Variants in DGLUCY observed in about 807,000 individuals in gnomAD.
DGLUCY encodes the protein D-glutamate cyclase.
Under a neutral mutation model 58.5 loss-of-function variants are expected in DGLUCY, and 58 were observed. The observed-to-expected ratio is 0.99, with a 90% confidence interval of 0.80 to 1.23. The LOEUF is 1.23. Among genes scored for constraint, DGLUCY ranks in the 50% most tolerant of loss-of-function variants. The pLI, the probability that DGLUCY is intolerant of heterozygous loss-of-function variation, is 0.00. For missense variants in DGLUCY, 779 were observed against 784.7 expected (o/e 0.99, Z 0.09); for synonymous variants, 325 against 314.1 (o/e 1.03, Z -0.37).
At chr14:91,157,466 CT>C (rs1450917025) in intron 1 of DGLUCY, among the ~76,000 whole-genome samples, 172 bp from the exon 2 acceptor site, 3 of 152,086 alleles carry the variant, frequency 2.0e-5, no homozygotes, top group Admixed American at 6.6e-5. Context: ...TTAACAATGC[CT>C]TTTTTGTGTG....
intron 13 of DGLUCY, among the ~76,000 whole-genome samples, chr14:91,222,366 A>T (rs1288858374): frequency 6.6e-6 from 1 of 152,172 alleles, no homozygotes; most frequent in Non-Finnish European, 1.5e-5. Context: ...TGAGGGAAAC[A>T]GTGTGCTGTG....
chr14:91,167,781 G>A (rs545046069), intron 4 of DGLUCY: 5 of 641,910 alleles, frequency 7.8e-6, no homozygotes, highest in South Asian at 1.8e-5. Flanking sequence ...AACCTATCTA[G>A]TAAATGGCCC....
intron 1 of DGLUCY, among the ~76,000 whole-genome samples, chr14:91,092,956 C>T (rs1335043559): frequency 3.3e-5 from 5 of 151,818 alleles, no homozygotes; most frequent in Admixed American, 6.6e-5. Context: ...TGGTGGCAGG[C>T]GCCTATGGTC....
rs148400411 is a variant in DGLUCY at position 91,176,044 on chromosome 14, G to C, written c.718G>C (p.Val240Leu). The part of the protein sequence containing the change: ...WPSPLTSLGA[V>L]SSCETPLAFA... The stretch of plus-strand genomic sequence containing the variant: ...TTCTCCGCTGACCAGTCTCGGAGCT[G>C]TCAGCAGCTGTGGTACGTTGGGGGA... Residue 240 changes from valine (V) to leucine (L), a missense_variant, in exon 7 of 14, where the codon GTC becomes CTC. Coordinates refer to ENST00000256324, the MANE Select transcript of DGLUCY (RefSeq NM_001102368.3). 3.2e-5 allele frequency: 51 copies of C among 1,613,858 alleles called. No individual in the cohort carries two copies. In the African/African-American group the frequency reaches 5.7e-4, roughly 18 times the overall value.
At chr14:91,220,401 A>G (rs989808069) in intron 13 of DGLUCY, 11 of 437,836 alleles carry the variant, frequency 2.5e-5, no homozygotes, top group Non-Finnish European at 5.1e-5. Flanking sequence ...CATCATCATC[A>G]TCATCCTTCT....
intron 8 of DGLUCY, among the ~76,000 whole-genome samples, chr14:91,183,542 G>T (rs2049309591): frequency 6.6e-6 from 1 of 152,100 alleles, no homozygotes; most frequent in African/African-American, 2.4e-5. Flanking sequence ...TGCCTCTCTG[G>T]GTTGTGATGC....
At chr14:91,099,349 A>G (rs1467448770) in intron 1 of DGLUCY, among the ~76,000 whole-genome samples, 15 of 152,146 alleles carry the variant, frequency 9.9e-5, no homozygotes, top group African/African-American at 4.8e-5. Context: ...CCTGGCCAAC[A>G]TGGTGAAACC....
At chr14:91,157,993 G>T (rs899123955) in intron 2 of DGLUCY, among the ~76,000 whole-genome samples, 10 of 152,196 alleles carry the variant, frequency 6.6e-5, no homozygotes, top group Non-Finnish European at 1.2e-4. Context: ...GTACCTGTGG[G>T]GTGGCCCATT....
intron 1 of DGLUCY, among the ~76,000 whole-genome samples, chr14:91,118,260 A>G (rs2045124262): frequency 6.6e-6 from 1 of 151,562 alleles, no homozygotes; most frequent in African/African-American, 2.4e-5. Flanking sequence ...TAATTTTTGT[A>G]TTTTTAGATT....
At chr14:91,151,100 C>T (rs2047312975) in intron 1 of DGLUCY, among the ~76,000 whole-genome samples, 1 of 152,256 alleles carries the variant, frequency 6.6e-6, no homozygotes, top group Non-Finnish European at 1.5e-5. Context: ...TTTCAGTTTG[C>T]ATAACGTGCT....
intron 1 of DGLUCY, among the ~76,000 whole-genome samples, chr14:91,101,831 A>C (rs2044491999): frequency 6.6e-6 from 1 of 152,074 alleles, no homozygotes; most frequent in Admixed American, 6.6e-5. Context: ...AGTGGCTGGA[A>C]CCACAGATGT....
intron 1 of DGLUCY, among the ~76,000 whole-genome samples, chr14:91,133,640 C>T (rs2046162317): frequency 6.6e-6 from 1 of 152,102 alleles, no homozygotes; most frequent in African/African-American, 2.4e-5. Context: ...TCTCCCGTCT[C>T]AATCTCCCAA....
intron 8 of DGLUCY, among the ~76,000 whole-genome samples, chr14:91,184,051 GATCTAGGTAGCT>G (rs1261245907): frequency 6.6e-6 from 1 of 151,984 alleles, no homozygotes; most frequent in Non-Finnish European, 1.5e-5. Flanking sequence ...CCAGTGGGAA[GATCTAGGTAGCT>G]ACCTGCATCA....
chr14:91,217,086 T>A (rs1319715858), intron 13 of DGLUCY, among the ~76,000 whole-genome samples: 1 of 152,148 alleles, frequency 6.6e-6, no homozygotes, highest in African/African-American at 2.4e-5. Flanking sequence ...CTGCCCCTCT[T>A]GGAGGAGAAG....
intron 3 of DGLUCY, among the ~76,000 whole-genome samples, chr14:91,162,907 A>G (rs1436613628): frequency 1.3e-5 from 2 of 151,158 alleles, no homozygotes; most frequent in African/African-American, 4.9e-5. Flanking sequence ...CAAGAAAAAA[A>G]AAAAAAAAGG....
chr14:91,086,616 A>T (rs1354414660), intron 1 of DGLUCY, among the ~76,000 whole-genome samples: 1 of 152,184 alleles, frequency 6.6e-6, no homozygotes, highest in African/African-American at 2.4e-5. Context: ...TTAGCTCCAC[A>T]GTTGGTTGAA....
At chr14:91,153,880 C>T (rs539409107) in intron 1 of DGLUCY, among the ~76,000 whole-genome samples, 4 of 152,210 alleles carry the variant, frequency 2.6e-5, no homozygotes, top group African/African-American at 7.2e-5. Context: ...CCAAGGTGGT[C>T]GGGGTACAGG....
chr14:91,136,797 C>T (rs990815418), intron 1 of DGLUCY, among the ~76,000 whole-genome samples: 3 of 151,866 alleles, frequency 2.0e-5, no homozygotes, highest in Non-Finnish European at 4.4e-5. Context: ...GGAGAAACTC[C>T]ATCTCTAACT....
At chr14:91,136,376 G>A (rs190500598) in intron 1 of DGLUCY, among the ~76,000 whole-genome samples, 1 of 152,030 alleles carries the variant, frequency 6.6e-6, no homozygotes, top group African/African-American at 2.4e-5. Flanking sequence ...TATGTGACAC[G>A]AGAGCCTTTA....
Sources: allele counts gnomAD v4.1 joint callset (sites outside exome capture counted in the v4.1 genomes callset), GRCh38; gene constraint gnomAD v4.1.1; transcripts MANE v1.5; gene names NCBI Gene and HGNC (gene_info 2026-07-23, HGNC 2026-07-21).